The following VPS13D variants were observed in gnomAD, a reference collection of about 807,000 sequenced individuals.
VPS13D encodes the protein vacuolar protein sorting 13 homolog D.
A neutral mutation model predicts 461.9 loss-of-function variants in VPS13D; 187 were observed. The observed-to-expected ratio is 0.40, with a 90% CI of 0.36 to 0.46. The LOEUF is 0.46. Among genes scored for constraint, VPS13D ranks in the 20% least tolerant of loss-of-function variants. The pLI, the probability that VPS13D is intolerant of heterozygous loss-of-function variation, is 0.60. For missense variants in VPS13D, 4,711 were observed against 5,364.9 expected, an observed-to-expected ratio of 0.88 and a Z score of 3.81; for synonymous variants, 1,951 against 1,986.3, an observed-to-expected ratio of 0.98 and a Z score of 0.47.
rs1641639756 is a variant in VPS13D at position 12,277,184 on chromosome 1, G to A, written c.3596G>A (p.Gly1199Asp). Residue 1199 changes from glycine to aspartate, a missense_variant, in exon 19 of 70, where the codon GGT (glycine) becomes GAT (aspartate). Gly to Asp is a moderately conservative substitution (Grantham distance 94). Transcript: ENST00000620676. ...AGAAAAATTGCAACTGCAAGTATAG[G>A]TGGCACCAAAGTTAATGTCTCAATG... is the stretch of plus-strand genomic sequence containing the variant. ...YGRKIATASIGGTKVNVSMGS... is the reference protein window; with the variant it reads ...YGRKIATASIDGTKVNVSMGS... 6.2e-7 allele frequency: 1 copy of A among 1,614,200 alleles called. No homozygotes were observed. Among genetic ancestry groups the A allele is most frequent in the East Asian group, 2.2e-5 (1 of 44,882 alleles).
Position 12,311,812 on chromosome 1 carries a change from G to A in VPS13D, c.6823-1G>A. ...GATTGACGAGCATTTTCCTTTTGTA[G>A]ACTGTCCTGAGTGGAGAAGTGTACA... On this transcript the variant is annotated splice_acceptor_variant, in intron 28 of 69. Coordinates refer to ENST00000620676, the MANE Select transcript of VPS13D (RefSeq NM_015378.4). LOFTEE classifies it high-confidence loss of function. The A allele has an allele frequency of 6.2e-7, 1 of 1,612,978 alleles. No homozygotes were observed. Among genetic ancestry groups the A allele is most frequent in the East Asian group, 2.2e-5 (1 of 44,866 alleles).
At chr1:12,346,757 T>C (rs1042954377) in intron 44 of VPS13D, 105 bp downstream of exon 44, 9 of 1,113,102 alleles carry the variant, frequency 8.1e-6, no homozygotes, top group South Asian at 1.7e-5. Flanking sequence ...TTATGACATA[T>C]ATGCGATTGA....
intron 68 of VPS13D, chr1:12,500,062 C>T (rs943803799): frequency 1.0e-6 from 1 of 985,380 alleles, no homozygotes. Context: ...CTCACTGTTT[C>T]ACTTCTGGAA....
At position 12,355,831 on chromosome 1, in the gene VPS13D, A is replaced by G. The variant is rs115732177; in HGVS notation, c.9680-68A>G. 1.8e-5 allele frequency: 26 copies of G among 1,414,734 alleles called. No homozygotes were observed. The South Asian group carries it at 3.0e-4, about 16-fold the overall frequency. 87.6% of individuals were successfully genotyped at this position (1,414,734 alleles called of 1,614,324 possible). A position where few individuals can be genotyped will look rare whatever the true frequency, so the allele number is the denominator to read the frequency against. On this transcript the variant is annotated intron_variant, in intron 47 of 69. Transcript: ENST00000620676. ...GGTTTTTCCAAAAGGAATCCAATTT[A>G]CTTTTGCTGTGAGCTATTTTGACAA...
intron 10 of VPS13D, 99 bp downstream of exon 10, chr1:12,258,202 C>A: frequency 6.9e-7 from 1 of 1,448,756 alleles, no homozygotes; most frequent in Non-Finnish European, 9.4e-7. Flanking sequence ...AATAAAGTCC[C>A]ATGCCAAAGG....
intron 1 of VPS13D, among the ~76,000 whole-genome samples, chr1:12,231,633 T>C (rs1639976252): frequency 6.6e-6 from 1 of 152,228 alleles, no homozygotes; most frequent in South Asian, 2.1e-4. Context: ...CAAATTTGTT[T>C]GGAGTCCCCA....
In VPS13D at chr1:12,283,644, C is replaced by T. The variant is rs759254262; in HGVS notation, c.5542C>T (p.Pro1848Ser). The change falls in exon 21 of 70, where the codon CCT becomes TCT. Residue 1848 changes from proline (P) to serine (S), a missense_variant. By Grantham distance (74) the Pro-to-Ser change is moderately conservative (BLOSUM62 -1). Around this residue, in one of 3 missense-constraint regions of VPS13D, gnomAD observed 4,411 missense variants for 4,937.8 expected, o/e 0.89. Transcript: ENST00000620676. ...TADNHAMRLP[P>S]EGILHNVKLE... Reference sequence around the variant, plus strand: ...AGACAACCACGCAATGAGGCTGCCTCCTGAGGGCATTCTGCACAACGTGAA... The same window carrying T: ...AGACAACCACGCAATGAGGCTGCCTTCTGAGGGCATTCTGCACAACGTGAA... 1.9e-6 allele frequency: 3 copies of T among 1,614,174 alleles called. No homozygotes were observed. In the East Asian group the frequency reaches 6.7e-5, roughly 36 times the overall value.
At chr1:12,501,644 A>C (rs1011937879) in intron 68 of VPS13D, among the ~76,000 whole-genome samples, 1 of 152,214 alleles carries the variant, frequency 6.6e-6, no homozygotes, top group African/African-American at 2.4e-5. Flanking sequence ...CATTTATTGA[A>C]TCCTACTATG....
intron 65 of VPS13D, among the ~76,000 whole-genome samples, chr1:12,417,064 G>A (rs1299926567): frequency 1.3e-5 from 2 of 152,134 alleles, no homozygotes. Context: ...CAGGCATTGC[G>A]TATGTCTTAC....
chr1:12,508,800 A>G, intron 69 of VPS13D, 93 bp from the exon 70 acceptor site: 1 of 1,384,206 alleles, frequency 7.2e-7, no homozygotes, highest in Admixed American at 2.0e-5. Flanking sequence ...CCATCCTGAG[A>G]TGCAGCTGGG....
intron 44 of VPS13D, 114 bp from the exon 45 acceptor site, chr1:12,348,709 G>A: frequency 7.7e-7 from 1 of 1,296,676 alleles, no homozygotes; most frequent in Non-Finnish European, 1.1e-6. Flanking sequence ...TGATTTCACT[G>A]AAGAACTATA....
chr1:12,396,973 G>A (rs534544562), intron 60 of VPS13D, among the ~76,000 whole-genome samples: 2 of 152,120 alleles, frequency 1.3e-5, no homozygotes, highest in South Asian at 2.1e-4. Context: ...TCACTCTGTC[G>A]CCCAGGCTGG....
intron 52 of VPS13D, among the ~76,000 whole-genome samples, chr1:12,365,591 C>G (rs1225783440): frequency 6.6e-6 from 1 of 151,868 alleles, no homozygotes; most frequent in Non-Finnish European, 1.5e-5. Context: ...GTAATCCCAG[C>G]TACTCAGGAG....
At chr1:12,254,512 TC>T (rs1233679723) in intron 7 of VPS13D, among the ~76,000 whole-genome samples, 20 of 136,070 alleles carry the variant, frequency 1.5e-4, no homozygotes, top group Admixed American at 2.2e-4. Flanking sequence ...AAAATCTCAA[TC>T]TTTTTTTTTT....
chr1:12,400,877 C>G (rs1038050549), intron 61 of VPS13D, among the ~76,000 whole-genome samples: 1 of 151,210 alleles, frequency 6.6e-6, no homozygotes, highest in African/African-American at 2.4e-5. Flanking sequence ...GGTCCTGAGC[C>G]TGGGAGTTCG....
At chr1:12,367,730 C>T (rs1644057868) in intron 52 of VPS13D, 1 of 152,032 alleles carries the variant, frequency 6.6e-6, no homozygotes, top group African/African-American at 2.4e-5. Flanking sequence ...CTTCAGCCTC[C>T]TGAGTAGCTG....
chr1:12,293,396 C>A, intron 23 of VPS13D, 128 bp from the exon 24 acceptor site: 1 of 872,554 alleles, frequency 1.1e-6, no homozygotes, highest in South Asian at 2.0e-5. Flanking sequence ...TTTGTAAAGC[C>A]TAATTTTGGA....
At chr1:12,249,398 T>G in intron 6 of VPS13D, 59 bp downstream of exon 6, 1 of 1,427,220 alleles carries the variant, frequency 7.0e-7, no homozygotes, top group Non-Finnish European at 9.7e-7. Context: ...AATCTGGGGC[T>G]CTGCCTTTTG....
intron 65 of VPS13D, among the ~76,000 whole-genome samples, chr1:12,448,770 C>T (rs915083853): frequency 6.6e-6 from 1 of 152,192 alleles, no homozygotes; most frequent in Non-Finnish European, 1.5e-5. Context: ...TAGCATACTC[C>T]ACCAATCCTT....
Sources: gnomAD v4.1 joint callset for allele counts (sites outside exome capture counted in the v4.1 genomes callset) on GRCh38, gnomAD v4.1.1 for gene constraint, gnomAD v4.1.1 regional missense constraint, MANE v1.5 for transcripts, NCBI Gene and HGNC (gene_info 2026-07-23, HGNC 2026-07-21) for gene names.